The following KCNAB1 variants were observed in gnomAD, a reference collection of about 807,000 sequenced individuals.
KCNAB1 encodes potassium voltage-gated channel subfamily A regulatory beta subunit 1, also known as voltage-gated potassium channel subunit beta-1.
A neutral mutation model predicts 64.6 loss-of-function variants in KCNAB1; 35 were observed. That is an observed-to-expected ratio of 0.54 (90% confidence interval 0.41 to 0.72). The LOEUF (loss-of-function observed/expected upper bound fraction) is 0.72. Among genes scored for constraint, KCNAB1 ranks in the 30% least tolerant of loss-of-function variants. The pLI is 0.00. For synonymous variants in KCNAB1, 177 were observed against 183.8 expected, an observed-to-expected ratio of 0.96 and a Z score of 0.30; for missense variants, 401 against 512.9, an observed-to-expected ratio of 0.78 and a Z score of 2.11.
chr3:156,135,648 C>T (rs376025355), intron 1 of KCNAB1, among the ~76,000 whole-genome samples: 10 of 152,202 alleles, frequency 6.6e-5, no homozygotes, highest in African/African-American at 2.4e-4. Flanking sequence ...AGTGAGACTT[C>T]TTAGTGCATG....
chr3:156,373,109 A>C (rs1185221979), intron 1 of KCNAB1, among the ~76,000 whole-genome samples: 1 of 152,246 alleles, frequency 6.6e-6, no homozygotes, highest in Non-Finnish European at 1.5e-5. Flanking sequence ...CCAGTTAGCA[A>C]CTTCCTAAAT....
intron 1 of KCNAB1, among the ~76,000 whole-genome samples, chr3:156,242,338 G>A (rs1198926190): frequency 6.6e-6 from 1 of 151,608 alleles, no homozygotes; most frequent in African/African-American, 2.4e-5. Flanking sequence ...GTGATATTTG[G>A]TTACATGAGT....
chr3:156,155,220 A>G (rs576593995), intron 1 of KCNAB1, among the ~76,000 whole-genome samples: 21 of 152,052 alleles, frequency 1.4e-4, no homozygotes, highest in Non-Finnish European at 2.8e-4. Context: ...CTGCCCTGCC[A>G]CCACCCCTCA....
intron 1 of KCNAB1, among the ~76,000 whole-genome samples, chr3:156,202,884 A>G (rs1714429101): frequency 6.6e-6 from 1 of 152,214 alleles, no homozygotes; most frequent in South Asian, 2.1e-4. Flanking sequence ...TACATTACTG[A>G]AATAAACTCT....
At chr3:156,174,492 T>G (rs1340243548) in intron 1 of KCNAB1, among the ~76,000 whole-genome samples, 1 of 152,148 alleles carries the variant, frequency 6.6e-6, no homozygotes, top group African/African-American at 2.4e-5. Context: ...CAAAATAAAA[T>G]TCTCCCAGCA....
chr3:156,273,765 G>GATGATCA (rs1377809272), intron 1 of KCNAB1: 1 of 418,136 alleles, frequency 2.4e-6, no homozygotes, highest in African/African-American at 2.0e-5. Context: ...CTGTGGGGAG[G>GATGATCA]ATGATCAATG....
chr3:156,289,873 G>A (rs565126475), intron 1 of KCNAB1, among the ~76,000 whole-genome samples: 2 of 152,038 alleles, frequency 1.3e-5, no homozygotes, highest in Non-Finnish European at 2.9e-5. Context: ...TTTTAATCAC[G>A]TAGATAGATT....
chr3:156,434,734 T>A (rs75047739), intron 2 of KCNAB1, among the ~76,000 whole-genome samples: 5,449 of 151,936 alleles, frequency 0.036, 329 homozygotes, highest in African/African-American at 0.13. Flanking sequence ...ATAAACAAAC[T>A]AGAATTCAAG....
intron 1 of KCNAB1, among the ~76,000 whole-genome samples, chr3:156,223,660 C>A (rs920099844): frequency 2.0e-4 from 31 of 152,194 alleles, no homozygotes; most frequent in African/African-American, 7.0e-4. Flanking sequence ...TCCAAGTTCC[C>A]ACCAGATCAG....
At chr3:156,328,560 G>T (rs921997211) in intron 1 of KCNAB1, among the ~76,000 whole-genome samples, 17 of 152,098 alleles carry the variant, frequency 1.1e-4, no homozygotes, top group African/African-American at 4.1e-4. Flanking sequence ...TGTCGTTATT[G>T]TATTAAATAC....
intron 1 of KCNAB1, among the ~76,000 whole-genome samples, chr3:156,224,235 G>T (rs1379095143): frequency 6.6e-6 from 1 of 152,208 alleles, no homozygotes; most frequent in Non-Finnish European, 1.5e-5. Flanking sequence ...GGCCCACTGA[G>T]CCCACGCCCA....
chr3:156,207,711 G>T lies in KCNAB1; in HGVS notation c.275+86825G>T, dbSNP rs1044273599. 1.1e-4 allele frequency among the ~76,000 whole-genome samples: 16 copies of T among 152,308 alleles called. 1 individual carries two copies. The highest frequency in any genetic ancestry group is 3.8e-4 in the African/African-American group (16 of 41,564). ...ATGACTAAAAAGACAAATCAGAGAG[G>T]AGAAATGCTTAGAGGGCTTCCTTGG... is the stretch of plus-strand genomic sequence containing the variant. On this transcript the variant is annotated intron_variant, in intron 1 of 13. Coordinates refer to ENST00000490337, the MANE Select transcript of KCNAB1 (RefSeq NM_172160.3).
intron 1 of KCNAB1, among the ~76,000 whole-genome samples, chr3:156,350,242 A>C (rs890437646): frequency 2.0e-5 from 3 of 152,170 alleles, no homozygotes; most frequent in Non-Finnish European, 2.9e-5. Context: ...TAAAAAGCTG[A>C]GTTGATCAGA....
At chr3:156,408,487 A>G (rs1376976588) in intron 1 of KCNAB1, among the ~76,000 whole-genome samples, 2 of 152,212 alleles carry the variant, frequency 1.3e-5, no homozygotes, top group African/African-American at 4.8e-5. Context: ...GGTGTATAAA[A>G]GCACCTAGAG....
intron 1 of KCNAB1, among the ~76,000 whole-genome samples, chr3:156,161,601 G>A (rs1037509957): frequency 7.9e-5 from 12 of 151,876 alleles, no homozygotes; most frequent in African/African-American, 2.4e-4. Context: ...ATTCAGTTTC[G>A]TCCATATTTT....
At chr3:156,330,113 G>A (rs1723236288) in intron 1 of KCNAB1, among the ~76,000 whole-genome samples, 1 of 152,112 alleles carries the variant, frequency 6.6e-6, no homozygotes, top group African/African-American at 2.4e-5. Context: ...ACTTAAGTGT[G>A]TAAAATATAT....
At chr3:156,319,995 C>T (rs913313039) in intron 1 of KCNAB1, among the ~76,000 whole-genome samples, 3 of 152,190 alleles carry the variant, frequency 2.0e-5, no homozygotes, top group Non-Finnish European at 2.9e-5. Flanking sequence ...ATCCTATCCA[C>T]ATAATCAGCC....
At chr3:156,143,290 C>G (rs1714814858) in intron 1 of KCNAB1, 1 of 1,613,738 alleles carries the variant, frequency 6.2e-7, no homozygotes, top group Admixed American at 1.7e-5. Context: ...GACCAAGACT[C>G]AGCCTCAGGC....
At chr3:156,439,216 T>A (rs1041442592) in intron 2 of KCNAB1, among the ~76,000 whole-genome samples, 3 of 137,958 alleles carry the variant, frequency 2.2e-5, no homozygotes, top group African/African-American at 8.3e-5. Flanking sequence ...TTAATTTGCA[T>A]CATTGTGATT....
Sources: gnomAD v4.1 joint callset for allele counts (sites outside exome capture counted in the v4.1 genomes callset) on GRCh38, gnomAD v4.1.1 for gene constraint, MANE v1.5 for transcripts, NCBI Gene and HGNC (gene_info 2026-07-23, HGNC 2026-07-21) for gene names.